CUL1: variants seen among roughly 807,000 people sequenced by gnomAD.
CUL1 encodes cullin 1, also known as cullin-1.
In CUL1, 24 loss-of-function variants were observed where a neutral mutation model predicts 118.0. The observed-to-expected ratio is 0.20, with a 90% CI of 0.15 to 0.29. The LOEUF (loss-of-function observed/expected upper bound fraction) is 0.29. Among genes scored for constraint, CUL1 ranks in the 10% least tolerant of loss-of-function variants. The pLI is 1.00. For missense variants in CUL1, 361 were observed against 933.8 expected, an observed-to-expected ratio of 0.39 and a Z score of 7.99; for synonymous variants, 332 against 340.4, an observed-to-expected ratio of 0.98 and a Z score of 0.27.
intron 3 of CUL1, among the ~76,000 whole-genome samples, chr7:148,755,976 G>A (rs1464233919): frequency 1.3e-5 from 2 of 151,998 alleles, no homozygotes; most frequent in Non-Finnish European, 2.9e-5. Flanking sequence ...TTCCTCTTTC[G>A]TGCTTCTCTG....
At chr7:148,767,494 T>G (rs931351881) in intron 8 of CUL1, 125 bp from the exon 9 acceptor site, 2 of 816,862 alleles carry the variant, frequency 2.4e-6, no homozygotes, top group African/African-American at 3.5e-5. Flanking sequence ...TGCTATTGAT[T>G]ATTAAAGTCT....
At chr7:148,716,720 A>C (rs1363226013) in intron 1 of CUL1, among the ~76,000 whole-genome samples, 1 of 152,214 alleles carries the variant, frequency 6.6e-6, no homozygotes, top group Non-Finnish European at 1.5e-5. Context: ...TCTGCTAAGA[A>C]TTTACTTTCT....
chr7:148,771,197 C>CA (rs1301905543), intron 9 of CUL1, among the ~76,000 whole-genome samples: 3 of 151,306 alleles, frequency 2.0e-5, no homozygotes, highest in Non-Finnish European at 2.9e-5. Flanking sequence ...TTTGAGAGGC[C>CA]AAAAAAAAGT....
chr7:148,712,382 TC>T (rs946083277), intron 1 of CUL1, among the ~76,000 whole-genome samples: 33 of 152,218 alleles, frequency 2.2e-4, no homozygotes, highest in African/African-American at 7.5e-4. Flanking sequence ...TTAGGCTGGA[TC>T]CCCAGGTCTG....
intron 11 of CUL1, among the ~76,000 whole-genome samples, chr7:148,785,398 G>A (rs1184558094): frequency 2.6e-5 from 4 of 151,544 alleles, no homozygotes; most frequent in African/African-American, 9.7e-5. Context: ...TTACTCTGTC[G>A]CCCATGCTGG....
chr7:148,781,165 T>G (rs1800618742), intron 9 of CUL1, among the ~76,000 whole-genome samples: 1 of 140,580 alleles, frequency 7.1e-6, no homozygotes, highest in African/African-American at 2.6e-5. Context: ...CACTGCATCC[T>G]CCATCTCCCG....
In CUL1 at chr7:148,767,957, G is replaced by C. The variant is rs113411821; in HGVS notation, c.1083+208G>C. Among the ~76,000 whole-genome samples the C allele has an allele frequency of 6.5e-3, 989 of 152,196 alleles. 17 individuals are homozygous for C. Among genetic ancestry groups the C allele is most frequent in the African/African-American group, 0.022 (930 of 41,518 alleles). On this transcript the variant is annotated intron_variant, in intron 9 of 21. Transcript: ENST00000325222. ...TAAGTTTTTCCCTCGCACTTTTTAG[G>C]CGTTAATAATGTTATTTTTTTTTTC...
rs534335451 is a variant in CUL1 at position 148,721,438 on chromosome 7, T to C, written c.-161-8524T>C. Among the ~76,000 whole-genome samples the C allele has an allele frequency of 3.9e-4, 59 of 152,314 alleles. 1 individual carries two copies. Among genetic ancestry groups the C allele is most frequent in the South Asian group, 4.1e-4 (2 of 4,824 alleles). ...TTATTATGGAAAGTAGAAACTGCAG[T>C]GTACCTGTCTCTCAGCTTTTTTTTT... On this transcript the variant is annotated intron_variant, in intron 1 of 21. Coordinates refer to ENST00000325222, the MANE Select transcript of CUL1 (RefSeq NM_003592.3).
intron 1 of CUL1, among the ~76,000 whole-genome samples, chr7:148,717,441 A>G (rs1584763248): frequency 6.6e-6 from 1 of 152,162 alleles, no homozygotes; most frequent in African/African-American, 2.4e-5. Context: ...AGCCTTTGTC[A>G]TCCTGAATTC....
At chr7:148,789,905 A>T in intron 15 of CUL1, 79 bp downstream of exon 15, 1 of 1,311,260 alleles carries the variant, frequency 7.6e-7, no homozygotes, top group Non-Finnish European at 1.1e-6. Context: ...GGAAGGGGAC[A>T]GGCCTGCAGA....
chr7:148,755,868 C>T (rs980668766), intron 3 of CUL1, among the ~76,000 whole-genome samples: 1 of 152,140 alleles, frequency 6.6e-6, no homozygotes, highest in Non-Finnish European at 1.5e-5. Flanking sequence ...GTGGAGCTTC[C>T]AGTCTGTTGT....
intron 1 of CUL1, among the ~76,000 whole-genome samples, chr7:148,704,723 T>C (rs1266950449): frequency 2.6e-5 from 4 of 152,232 alleles, no homozygotes; most frequent in African/African-American, 9.6e-5. Context: ...TGTGTGAGTA[T>C]ATGCATTTTT....
chr7:148,786,858 ACGTTGG>A, intron 12 of CUL1, 125 bp from the exon 13 acceptor site: 1 of 1,215,340 alleles, frequency 8.2e-7, no homozygotes. Flanking sequence ...GCCATCATAA[ACGTTGG>A]CGTACAGACC....
intron 2 of CUL1, among the ~76,000 whole-genome samples, chr7:148,735,567 T>A (rs1227570795): frequency 3.3e-5 from 5 of 152,234 alleles, no homozygotes; most frequent in African/African-American, 9.6e-5. Context: ...CAAAGTAGAT[T>A]AATGATGATC....
At chr7:148,736,661 T>C (rs1200234040) in intron 2 of CUL1, among the ~76,000 whole-genome samples, 1 of 152,186 alleles carries the variant, frequency 6.6e-6, no homozygotes, top group Non-Finnish European at 1.5e-5. Context: ...AACTTTATCC[T>C]AAGGAAATAG....
chr7:148,705,161 C>A (rs1480149693), intron 1 of CUL1, among the ~76,000 whole-genome samples: 1 of 152,126 alleles, frequency 6.6e-6, no homozygotes, highest in Admixed American at 6.5e-5. Flanking sequence ...CTGTCCTAAT[C>A]TCATGAAACT....
intron 2 of CUL1, among the ~76,000 whole-genome samples, chr7:148,748,420 G>C (rs1799371930): frequency 6.6e-6 from 1 of 152,204 alleles, no homozygotes; most frequent in South Asian, 2.1e-4. Context: ...CTAAGGCAAT[G>C]TTGTTAGGAA....
At chr7:148,786,664 A>G (rs1482617838) in intron 12 of CUL1, 65 bp downstream of exon 12, 2 of 1,319,728 alleles carry the variant, frequency 1.5e-6, no homozygotes, top group Non-Finnish European at 2.2e-6. Flanking sequence ...TTGTAATGTT[A>G]TTTGTAGATG....
rs984277962 is a variant in CUL1, at chr7:148,729,927, A to G, written c.-161-35A>G. The G allele has an allele frequency of 1.9e-5, 12 of 618,780 alleles. 1 individual carries two copies. The highest frequency in any genetic ancestry group is 1.8e-4 in the African/African-American group (10 of 54,136). The allele number at this position is 618,780 out of a possible 1,614,324, so 38.3% of individuals were successfully genotyped here. On this transcript the variant is annotated intron_variant, in intron 1 of 21. Coordinates refer to ENST00000325222, the MANE Select transcript of CUL1 (RefSeq NM_003592.3). ...GTCTCACCTTATTACAGTACCCCAGAGACAATCCACTGATTCTCTTTATTT... is the reference window on the plus strand; with the variant it reads ...GTCTCACCTTATTACAGTACCCCAGGGACAATCCACTGATTCTCTTTATTT...
Sources: gnomAD v4.1 joint callset for allele counts (sites outside exome capture counted in the v4.1 genomes callset) on GRCh38, gnomAD v4.1.1 for gene constraint, MANE v1.5 for transcripts, NCBI Gene and HGNC (gene_info 2026-07-23, HGNC 2026-07-21) for gene names.